The following RNF180 variants were observed in gnomAD, a reference collection of about 807,000 sequenced individuals.
RNF180 encodes E3 ubiquitin-protein ligase RNF180.
Under a neutral mutation model 59.2 loss-of-function variants are expected in RNF180, and 38 were observed. The observed-to-expected ratio is 0.64, with a 90% confidence interval of 0.50 to 0.84. The LOEUF is 0.84. Among genes scored for constraint, RNF180 ranks in the 40% least tolerant of loss-of-function variants. The pLI is 0.00. For missense variants in RNF180, 705 were observed against 700.9 expected, an observed-to-expected ratio of 1.01 and a Z score of -0.07; for synonymous variants, 262 against 240.3, an observed-to-expected ratio of 1.09 and a Z score of -0.84.
chr5:64,187,418 A>G (rs908631643), intron 1 of RNF180, among the ~76,000 whole-genome samples: 54 of 152,314 alleles, frequency 3.5e-4, no homozygotes, highest in African/African-American at 1.3e-3. Flanking sequence ...AAAAATACTT[A>G]TAGATGTGAA....
chr5:64,214,733 C>T (rs1483592226), intron 4 of RNF180, among the ~76,000 whole-genome samples: 2 of 152,068 alleles, frequency 1.3e-5, no homozygotes, highest in Non-Finnish European at 2.9e-5. Context: ...GAAAAAACCT[C>T]TTTTGTGCAA....
At chr5:64,329,718 A>G (rs1561265087) in intron 6 of RNF180, among the ~76,000 whole-genome samples, 1 of 152,306 alleles carries the variant, frequency 6.6e-6, no homozygotes, top group East Asian at 1.9e-4. Flanking sequence ...TCAACATCCC[A>G]AAGTGCTGGG....
At chr5:64,318,435 C>T (rs549447978) in intron 5 of RNF180, among the ~76,000 whole-genome samples, 3 of 152,194 alleles carry the variant, frequency 2.0e-5, no homozygotes, top group Non-Finnish European at 4.4e-5. Flanking sequence ...GAATGGCACA[C>T]AATTTAAAAC....
At chr5:64,262,952 C>T (rs921870418) in intron 5 of RNF180, among the ~76,000 whole-genome samples, 24 of 152,100 alleles carry the variant, frequency 1.6e-4, no homozygotes, top group Admixed American at 1.2e-3. Context: ...GTTCAAATAT[C>T]CTGTTCTCTA....
Position 64,206,641 on chromosome 5 carries a change from A to G in RNF180, c.136-5424A>G, listed in dbSNP as rs550137969. Among the ~76,000 whole-genome samples the G allele has an allele frequency of 1.4e-3, 214 of 152,314 alleles. 2 individuals carry two copies. Among genetic ancestry groups the G allele is most frequent in the Non-Finnish European group, 2.2e-3 (147 of 68,026 alleles). On this transcript the variant is annotated intron_variant, in intron 2 of 7. Coordinates refer to ENST00000389100, the MANE Select transcript of RNF180 (RefSeq NM_001113561.2). ...CATGCTATGCTATGGACTGAATTGT[A>G]TGCCCTCCAAGTGCATATTTTAAAG...
chr5:64,188,252 C>T (rs2111985631), intron 1 of RNF180, among the ~76,000 whole-genome samples: 1 of 152,242 alleles, frequency 6.6e-6, no homozygotes, highest in South Asian at 2.1e-4. Context: ...ATTTCCCTTA[C>T]ATTAAGGACA....
At chr5:64,335,861 T>C (rs574843588) in intron 7 of RNF180, among the ~76,000 whole-genome samples, 2 of 152,286 alleles carry the variant, frequency 1.3e-5, no homozygotes, top group Non-Finnish European at 2.9e-5. Context: ...TGGGGAGTAT[T>C]GATACCTTAG....
chr5:64,202,396 T>G lies in RNF180; in HGVS notation c.135+1454T>G, dbSNP rs569555591. The stretch of plus-strand genomic sequence containing the variant: ...CCACAGTTTATCAATTTTTTTCTGC[T>G]GAAGGACATTGGCATTCGTTCCAGT... On this transcript the variant is annotated intron_variant, in intron 2 of 7. Coordinates refer to ENST00000389100, the MANE Select transcript of RNF180 (RefSeq NM_001113561.2). Among the ~76,000 whole-genome samples, 57 of 152,330 alleles carry G rather than the reference T, an allele frequency of 3.7e-4. 2 individuals are homozygous for G. In the South Asian group the frequency reaches 0.011, roughly 30 times the overall value.
intron 4 of RNF180, among the ~76,000 whole-genome samples, chr5:64,216,782 C>G (rs1752654722): frequency 6.6e-6 from 1 of 152,170 alleles, no homozygotes; most frequent in Non-Finnish European, 1.5e-5. Context: ...TAGCACTGAG[C>G]CACATTTAAC....
At chr5:64,253,850 G>A (rs1481068367) in intron 5 of RNF180, among the ~76,000 whole-genome samples, 2 of 152,076 alleles carry the variant, frequency 1.3e-5, no homozygotes, top group Non-Finnish European at 2.9e-5. Flanking sequence ...AACCTGATAT[G>A]TGGTAGTCTA....
intron 5 of RNF180, among the ~76,000 whole-genome samples, chr5:64,255,030 A>G (rs1412197763): frequency 1.3e-5 from 2 of 151,184 alleles, no homozygotes; most frequent in Non-Finnish European, 2.9e-5. Flanking sequence ...GAAAGATCAC[A>G]ATTGTTTTGA....
intron 7 of RNF180, among the ~76,000 whole-genome samples, chr5:64,336,953 C>T (rs1745148588): frequency 6.6e-6 from 1 of 150,470 alleles, no homozygotes; most frequent in Admixed American, 6.6e-5. Context: ...TAGGTTCTTC[C>T]CTATTCCCAG....
intron 5 of RNF180, among the ~76,000 whole-genome samples, chr5:64,270,026 AACACACAC>A (rs146625939): frequency 6.7e-6 from 1 of 148,584 alleles, no homozygotes; most frequent in Non-Finnish European, 1.5e-5. Flanking sequence ...CAGTAACAAT[AACACACAC>A]ACACACACAC....
At chr5:64,186,928 A>G (rs1391591570) in intron 1 of RNF180, among the ~76,000 whole-genome samples, 1 of 152,148 alleles carries the variant, frequency 6.6e-6, no homozygotes, top group Non-Finnish European at 1.5e-5. Context: ...TATTTTTCCC[A>G]TAAGAAAGTA....
chr5:64,311,226 A>G (rs1743748394), intron 5 of RNF180, among the ~76,000 whole-genome samples: 1 of 151,960 alleles, frequency 6.6e-6, no homozygotes, highest in Non-Finnish European at 1.5e-5. Flanking sequence ...TTGATCTGAA[A>G]TATGCTAGCT....
intron 7 of RNF180, among the ~76,000 whole-genome samples, chr5:64,352,274 C>T (rs1289975293): frequency 6.6e-6 from 1 of 151,890 alleles, no homozygotes; most frequent in Non-Finnish European, 1.5e-5. Flanking sequence ...TTTATTGCAT[C>T]TATTTGATTC....
chr5:64,280,573 A>C (rs536372509), intron 5 of RNF180, among the ~76,000 whole-genome samples: 1 of 148,122 alleles, frequency 6.8e-6, no homozygotes, highest in Admixed American at 6.7e-5. Flanking sequence ...TCTTTTCCTC[A>C]TTGTTTTTTT....
chr5:64,369,211 C>T (rs1746564838), intron 7 of RNF180, among the ~76,000 whole-genome samples: 1 of 151,848 alleles, frequency 6.6e-6, no homozygotes, highest in African/African-American at 2.4e-5. Flanking sequence ...CTCGCAAGGA[C>T]AAAAAACCAA....
At chr5:64,346,064 T>C (rs1745540682) in intron 7 of RNF180, among the ~76,000 whole-genome samples, 1 of 152,088 alleles carries the variant, frequency 6.6e-6, no homozygotes, top group African/African-American at 2.4e-5. Context: ...AGTTTGATGA[T>C]ACTAATAAAG....
Sources: allele counts gnomAD v4.1 joint callset (sites outside exome capture counted in the v4.1 genomes callset), GRCh38; gene constraint gnomAD v4.1.1; transcripts MANE v1.5; gene names NCBI Gene and HGNC (gene_info 2026-07-23, HGNC 2026-07-21).